The following ITGA6 variants were observed in gnomAD, a reference collection of about 807,000 sequenced individuals.
The protein encoded by ITGA6 is integrin alpha-6.
In ITGA6, 63 loss-of-function variants were observed where a neutral mutation model predicts 133.6. The observed-to-expected ratio is 0.47, with a 90% CI of 0.38 to 0.58. ITGA6 has a LOEUF of 0.58. Among genes scored for constraint, ITGA6 ranks in the 20% least tolerant of loss-of-function variants. ITGA6 has a pLI of 0.00. For missense variants in ITGA6, 1,068 were observed against 1,309.4 expected (o/e 0.82, Z 2.85); for synonymous variants, 434 against 482.0 (o/e 0.90, Z 1.30).
At chr2:172,473,186 T>C (rs142074134) in intron 5 of ITGA6, among the ~76,000 whole-genome samples, 3 of 152,366 alleles carry the variant, frequency 2.0e-5, no homozygotes, top group African/African-American at 7.2e-5. Flanking sequence ...GCTTATATTA[T>C]TCTGCATCTG....
chr2:172,435,445 C>G (rs949999287), intron 1 of ITGA6, among the ~76,000 whole-genome samples: 6 of 151,636 alleles, frequency 4.0e-5, no homozygotes, highest in Non-Finnish European at 7.4e-5. Flanking sequence ...ACAAAGGTAT[C>G]GAAACAATAA....
intron 3 of ITGA6, among the ~76,000 whole-genome samples, chr2:172,468,419 A>AT (rs1218607589): frequency 6.6e-6 from 1 of 152,158 alleles, no homozygotes; most frequent in Non-Finnish European, 1.5e-5. Flanking sequence ...TTTAGTGAAC[A>AT]TTGAGTTTTG....
intron 9 of ITGA6, among the ~76,000 whole-genome samples, chr2:172,476,923 T>C (rs888407546): frequency 6.6e-6 from 1 of 152,208 alleles, no homozygotes; most frequent in African/African-American, 2.4e-5. Context: ...ATTAAGACCA[T>C]AATTGTGCAT....
intron 15 of ITGA6, 29 bp from the exon 16 acceptor site, chr2:172,487,518 T>C: frequency 2.5e-6 from 4 of 1,612,446 alleles, no homozygotes; most frequent in Non-Finnish European, 3.4e-6. Context: ...AATGAGTGGA[T>C]TGTGACCTAG....
At chr2:172,432,525 G>C (rs1469281629) in intron 1 of ITGA6, among the ~76,000 whole-genome samples, 1 of 152,236 alleles carries the variant, frequency 6.6e-6, no homozygotes, top group African/African-American at 2.4e-5. Context: ...TGGAGAGAGG[G>C]AGAAATCCCT....
Position 172,488,200 on chromosome 2 carries a change from T to C in ITGA6, c.2477T>C (p.Val826Ala). ...GEQAMKSEDEVGSLIEYEFRV... is the reference protein window; with the variant it reads ...GEQAMKSEDEAGSLIEYEFRV... The stretch of plus-strand genomic sequence containing the variant: ...CAAGCTATGAAATCTGAAGATGAAG[T>C]GGGAAGTTTAATAGAGTATGAATTC... The change falls in exon 19 of 26, where the codon GTG (valine) becomes GCG (alanine). Residue 826 changes from valine to alanine, a missense_variant. By Grantham distance (64) the Val-to-Ala change is moderately conservative. Around this residue, in one of 3 missense-constraint regions of ITGA6, gnomAD observed 609 missense variants for 707.2 expected, o/e 0.86. Coordinates refer to ENST00000684293, the MANE Select transcript of ITGA6 (RefSeq NM_000210.4). 6.2e-7 allele frequency: 1 copy of C among 1,613,706 alleles called. No individual in the cohort carries two copies. Among genetic ancestry groups the C allele is most frequent in the East Asian group, 2.2e-5 (1 of 44,856 alleles).
intron 9 of ITGA6, 119 bp from the exon 10 acceptor site, chr2:172,479,521 AT>A (rs1181193681): frequency 6.3e-5 from 52 of 824,770 alleles, no homozygotes; most frequent in South Asian, 1.3e-4. Context: ...CGTCACGTGT[AT>A]TTTTTTTCCT....
chr2:172,490,958 G>A, intron 20 of ITGA6, 66 bp from the exon 21 acceptor site: 2 of 864,260 alleles, frequency 2.3e-6, no homozygotes, highest in Non-Finnish European at 4.0e-6. Flanking sequence ...ATATGCTCAA[G>A]AGGCTTGTAT....
intron 1 of ITGA6, among the ~76,000 whole-genome samples, chr2:172,432,524 G>A (rs1684144345): frequency 6.6e-6 from 1 of 152,238 alleles, no homozygotes; most frequent in South Asian, 2.1e-4. Context: ...GTGGAGAGAG[G>A]GAGAAATCCC....
At chr2:172,503,418 T>G (rs1255112758) in intron 25 of ITGA6, 1 of 152,190 alleles carries the variant, frequency 6.6e-6, no homozygotes, top group Non-Finnish European at 1.5e-5. Flanking sequence ...TGAAATTCAG[T>G]GTAGTGATGC....
At chr2:172,499,530 T>A (rs1687266067) in intron 24 of ITGA6, among the ~76,000 whole-genome samples, 1 of 152,116 alleles carries the variant, frequency 6.6e-6, no homozygotes, top group Admixed American at 6.6e-5. Flanking sequence ...AGCTAGTTTT[T>A]AAATTTTTTT....
chr2:172,485,517 A>G (rs1188354747), intron 13 of ITGA6, among the ~76,000 whole-genome samples: 1 of 152,222 alleles, frequency 6.6e-6, no homozygotes, highest in East Asian at 1.9e-4. Flanking sequence ...TATCGAGACT[A>G]TAAATGGTAG....
Position 172,491,614 on chromosome 2 carries a change from T to A in ITGA6, c.2988+91T>A. ...GTCCTGAAGTCATGTGCTTTGGTGC[T>A]CATTTCCCTCATAGCCCCATTACGG... On this transcript the variant is annotated intron_variant, in intron 23 of 25. Transcript: ENST00000684293. This position sits in a 1 kb window ranked among gnomAD's most constrained non-coding sequence, Gnocchi z 4.4. 1.2e-6 allele frequency: 1 copy of A among 811,262 alleles called. No individual in the cohort carries two copies. The allele number at this position is 811,262 out of a possible 1,614,324, so 50.3% of individuals were successfully genotyped here. A position where few individuals can be genotyped will look rare whatever the true frequency, so the allele number is the denominator to read the frequency against.
rs886055131 is a variant in ITGA6 at position 172,504,502 on chromosome 2, T to TG, written c.*434_*435insG. On this transcript the variant is annotated 3_prime_UTR_variant, in exon 26 of 26. Transcript: ENST00000684293. Reference sequence around the variant, plus strand: ...GTAATTTAACTTTCTGGGTTGCCTTTATTTTTGGCGTGGCTGACTTACATC... The same window carrying TG: ...GTAATTTAACTTTCTGGGTTGCCTTTGATTTTTGGCGTGGCTGACTTACATC... The TG allele has an allele frequency of 8.5e-6, 3 of 354,274 alleles. No homozygotes were observed. The highest frequency in any genetic ancestry group is 1.0e-5 in the Non-Finnish European group (2 of 191,238). The allele number at this position is 354,274 out of a possible 1,614,324, so 21.9% of individuals were successfully genotyped here.
intron 1 of ITGA6, among the ~76,000 whole-genome samples, chr2:172,444,299 C>T (rs532703278): frequency 6.6e-6 from 1 of 152,274 alleles, no homozygotes; most frequent in South Asian, 2.1e-4. Flanking sequence ...TACAGGCATA[C>T]ACTATATTAT....
At position 172,475,069 on chromosome 2, in the gene ITGA6, TG is replaced by T; in HGVS notation, c.1128del (p.Met376IlefsTer6). ...PIRLNGTKDS[M>X]FGIAVKNIGD... Reference sequence around the variant, plus strand: ...CGTCTTAATGGAACCAAAGATTCTATGTTTGGCATTGCAGTAAAAAATATTG... The same window carrying T: ...CGTCTTAATGGAACCAAAGATTCTATTTTGGCATTGCAGTAAAAAATATTG... On this transcript the variant is annotated frameshift_variant, in exon 7 of 26. Transcript: ENST00000684293. LOFTEE classifies it high-confidence loss of function. 6.2e-7 allele frequency: 1 copy of T among 1,609,016 alleles called. No homozygotes were observed. Among genetic ancestry groups the T allele is most frequent in the Non-Finnish European group, 8.5e-7 (1 of 1,175,278 alleles).
rs146536953 is a variant in ITGA6 at position 172,447,225 on chromosome 2, A to T, written c.183-18314A>T. On this transcript the variant is annotated intron_variant, in intron 1 of 25. Coordinates refer to ENST00000684293, the MANE Select transcript of ITGA6 (RefSeq NM_000210.4). ...ATTTTATTTTTATTTTTATTTATTT[A>T]TTTTTTATTTTGTGAGATGGAGTCT... 6.7e-4 allele frequency among the ~76,000 whole-genome samples: 101 copies of T among 150,468 alleles called. 1 individual carries two copies. The highest frequency in any genetic ancestry group is 2.2e-3 in the African/African-American group (91 of 40,912).
intron 23 of ITGA6, among the ~76,000 whole-genome samples, chr2:172,493,928 A>G (rs997459373): frequency 1.3e-4 from 20 of 152,092 alleles, no homozygotes; most frequent in Non-Finnish European, 2.2e-4. Context: ...AGCTTGGAGA[A>G]CTCATGCCTC....
intron 1 of ITGA6, among the ~76,000 whole-genome samples, chr2:172,455,585 C>T (rs946520505): frequency 7.9e-5 from 12 of 152,214 alleles, no homozygotes; most frequent in Non-Finnish European, 1.5e-5. Context: ...GAAGTCCCTT[C>T]CTTATCTTAA....
Sources: gnomAD v4.1 joint callset for allele counts (sites outside exome capture counted in the v4.1 genomes callset) on GRCh38, gnomAD v4.1.1 for gene constraint, gnomAD v4.1.1 regional missense constraint, Gnocchi (gnomAD v3.1) non-coding constraint, MANE v1.5 for transcripts, NCBI Gene and HGNC (gene_info 2026-07-23, HGNC 2026-07-21) for gene names.